Variants in PRKCE observed in about 807,000 individuals in gnomAD.
PRKCE encodes protein kinase C epsilon.
Under a neutral mutation model 85.4 loss-of-function variants are expected in PRKCE, and 16 were observed. The ratio of observed to expected loss-of-function variants is 0.19; its 90% confidence interval spans 0.13 to 0.28. PRKCE has a LOEUF of 0.28. Among genes scored for constraint, PRKCE ranks in the 10% least tolerant of loss-of-function variants. The pLI is 1.00. For missense variants in PRKCE, 573 were observed against 975.2 expected (o/e 0.59, Z 5.49); for synonymous variants, 388 against 371.5 (o/e 1.04, Z -0.51).
At chr2:45,687,098 TA>T (rs1173702911) in intron 1 of PRKCE, among the ~76,000 whole-genome samples, 1 of 152,000 alleles carries the variant, frequency 6.6e-6, no homozygotes, top group African/African-American at 2.4e-5. Flanking sequence ...ATTGATATAT[TA>T]AATTTCCAAA....
intron 1 of PRKCE, chr2:45,771,010 T>C (rs1175427334): frequency 6.6e-6 from 1 of 152,198 alleles, no homozygotes; most frequent in Admixed American, 6.5e-5. Context: ...AAAGCTGCTG[T>C]AGTGTTCCCT....
At chr2:46,016,192 T>C (rs192524084) in intron 10 of PRKCE, among the ~76,000 whole-genome samples, 1 of 152,258 alleles carries the variant, frequency 6.6e-6, no homozygotes, top group African/African-American at 2.4e-5. Flanking sequence ...AATTAACACA[T>C]CTTTAGTGAG....
chr2:45,666,641 A>C (rs1675925237), intron 1 of PRKCE, among the ~76,000 whole-genome samples: 1 of 151,990 alleles, frequency 6.6e-6, no homozygotes, highest in Non-Finnish European at 1.5e-5. Context: ...TCCAGGCTAC[A>C]GCTCTTTTGG....
intron 6 of PRKCE, among the ~76,000 whole-genome samples, chr2:45,986,869 C>T (rs1703370365): frequency 6.6e-6 from 1 of 151,880 alleles, no homozygotes; most frequent in South Asian, 2.1e-4. Flanking sequence ...ATGGGGCCTG[C>T]CTGGAATCCT....
At chr2:46,015,193 A>G (rs1240323453) in intron 10 of PRKCE, among the ~76,000 whole-genome samples, 1 of 151,888 alleles carries the variant, frequency 6.6e-6, no homozygotes, top group Admixed American at 6.6e-5. Context: ...CATTGACTAC[A>G]AGGGATAGGA....
At chr2:45,854,240 T>A (rs961532134) in intron 2 of PRKCE, among the ~76,000 whole-genome samples, 4 of 152,206 alleles carry the variant, frequency 2.6e-5, no homozygotes, top group African/African-American at 9.6e-5. Flanking sequence ...AGCACCATCC[T>A]ACCATTCTGA....
intron 1 of PRKCE, among the ~76,000 whole-genome samples, chr2:45,817,803 G>T (rs990144223): frequency 1.3e-5 from 2 of 152,228 alleles, no homozygotes; most frequent in African/African-American, 4.8e-5. Context: ...AATGAAGCTG[G>T]GAGTGGAATC....
intron 2 of PRKCE, among the ~76,000 whole-genome samples, chr2:45,913,715 A>G (rs988678241): frequency 6.6e-6 from 1 of 152,232 alleles, no homozygotes. Context: ...AACAAATAAT[A>G]AATTGAGTGC....
At chr2:45,834,128 A>C (rs1393544844) in intron 1 of PRKCE, among the ~76,000 whole-genome samples, 1 of 152,166 alleles carries the variant, frequency 6.6e-6, no homozygotes, top group Admixed American at 6.5e-5. Flanking sequence ...ACTTGAGCCT[A>C]CTCCATTTGT....
At chr2:46,113,459 T>G (rs1185218288) in intron 11 of PRKCE, among the ~76,000 whole-genome samples, 1 of 152,122 alleles carries the variant, frequency 6.6e-6, no homozygotes, top group Admixed American at 6.5e-5. Context: ...TCATAGATAT[T>G]ATTATTGTCA....
rs146914345 is a variant in PRKCE at position 46,157,555 on chromosome 2, T to C, written c.1921-2051T>C. On this transcript the variant is annotated intron_variant, in intron 13 of 14. Transcript: ENST00000306156. ...AGAAGTATCCAGTCAAAAATGTTAA[T>C]AGCATGAAGGCTGAGAAACCTTAAC... 6.0e-4 allele frequency among the ~76,000 whole-genome samples: 91 copies of C among 152,246 alleles called. No individual in the cohort carries two copies. The East Asian group carries it at 0.013, about 22-fold the overall frequency.
intron 10 of PRKCE, among the ~76,000 whole-genome samples, chr2:46,042,372 G>A (rs554661118): frequency 7.2e-5 from 11 of 152,154 alleles, no homozygotes; most frequent in Non-Finnish European, 1.6e-4. Context: ...TTTGCTTATT[G>A]CCTGGGTCAG....
intron 2 of PRKCE, among the ~76,000 whole-genome samples, chr2:45,931,186 C>T (rs1699018473): frequency 1.3e-5 from 2 of 152,190 alleles, no homozygotes; most frequent in African/African-American, 4.8e-5. Flanking sequence ...TCCTTGCACT[C>T]TGATAACACA....
At chr2:45,952,137 C>G (rs541153521) in intron 2 of PRKCE, among the ~76,000 whole-genome samples, 3 of 152,218 alleles carry the variant, frequency 2.0e-5, no homozygotes, top group African/African-American at 4.8e-5. Flanking sequence ...CCAGTTGATT[C>G]AGACTCTTAA....
chr2:45,883,139 G>C (rs1488289904), intron 2 of PRKCE, among the ~76,000 whole-genome samples: 1 of 152,252 alleles, frequency 6.6e-6, no homozygotes, highest in East Asian at 1.9e-4. Flanking sequence ...CCTGCAGCCA[G>C]CCATTCTGTA....
chr2:45,910,630 T>G (rs1215144708), intron 2 of PRKCE, among the ~76,000 whole-genome samples: 1 of 152,194 alleles, frequency 6.6e-6, no homozygotes, highest in Admixed American at 6.5e-5. Context: ...TTAAATGAAG[T>G]GTTATCTGTT....
chr2:45,968,571 G>A (rs759480353), intron 2 of PRKCE, among the ~76,000 whole-genome samples: 5 of 152,164 alleles, frequency 3.3e-5, no homozygotes, highest in Admixed American at 6.5e-5. Context: ...CTTAGACTTC[G>A]CTACCATGTC....
At chr2:45,971,302 A>G (rs1447544110) in intron 2 of PRKCE, among the ~76,000 whole-genome samples, 1 of 152,212 alleles carries the variant, frequency 6.6e-6, no homozygotes, top group Non-Finnish European at 1.5e-5. Flanking sequence ...TCACTTAGCC[A>G]ATATCCTCCC....
chr2:46,099,955 A>G (rs1442590199), intron 11 of PRKCE, among the ~76,000 whole-genome samples: 6 of 152,168 alleles, frequency 3.9e-5, no homozygotes, highest in African/African-American at 1.4e-4. Flanking sequence ...ATACAGAGTT[A>G]GGAATTAGGG....
Sources: gnomAD v4.1 joint callset for allele counts (sites outside exome capture counted in the v4.1 genomes callset) on GRCh38, gnomAD v4.1.1 for gene constraint, MANE v1.5 for transcripts, NCBI Gene and HGNC (gene_info 2026-07-23, HGNC 2026-07-21) for gene names.